Variants in CMIP observed in about 807,000 individuals in gnomAD.
CMIP encodes the protein c-Maf inducing protein.
Under a neutral mutation model 97.3 loss-of-function variants are expected in CMIP, and 13 were observed. That is an observed-to-expected ratio of 0.13 (90% CI 0.09 to 0.21). The LOEUF (loss-of-function observed/expected upper bound fraction) is 0.21, where lower values mean the gene tolerates loss of function less well. CMIP is among the 10% of genes least tolerant of loss of function. The probability of loss-of-function intolerance (pLI) is 1.00; values close to 1 mark genes in which losing one functional copy is unlikely to be tolerated. For missense variants in CMIP, 847 were observed against 1,024.9 expected, an observed-to-expected ratio of 0.83 and a Z score of 2.37; for synonymous variants, 538 against 436.3, an observed-to-expected ratio of 1.23 and a Z score of -2.91.
In CMIP at chr16:81,677,948, G is replaced by C. The variant is rs144303351; in HGVS notation, c.1035-327G>C. Among the ~76,000 whole-genome samples the C allele has an allele frequency of 6.5e-3, 985 of 152,324 alleles. 17 individuals are homozygous for C. The highest frequency in any genetic ancestry group is 0.023 in the African/African-American group (943 of 41,574). ...GCATTTTGGTGGAGGAGAATGCCAA[G>C]AGCCTTATGGCTGTCACGTGAAGAT... On this transcript the variant is annotated intron_variant, in intron 9 of 20. Coordinates refer to ENST00000537098, the MANE Select transcript of CMIP (RefSeq NM_198390.3).
intron 1 of CMIP, chr16:81,495,225 T>A (rs1349618434): frequency 5.5e-6 from 6 of 1,097,340 alleles, no homozygotes; most frequent in African/African-American, 1.6e-5. Context: ...ATAGGGTTTC[T>A]CAGTGAAACA....
chr16:81,506,582 C>A (rs149640883), intron 1 of CMIP, among the ~76,000 whole-genome samples: 77 of 152,338 alleles, frequency 5.1e-4, no homozygotes, highest in African/African-American at 1.8e-3. Context: ...GGGGAAAAGT[C>A]TTCCGAATAG....
intron 3 of CMIP, among the ~76,000 whole-genome samples, chr16:81,646,665 A>G (rs1035269699): frequency 6.6e-6 from 1 of 152,324 alleles, no homozygotes; most frequent in African/African-American, 2.4e-5. Context: ...CAGGCAATGA[A>G]TGTTCCACTT....
chr16:81,531,741 C>A (rs753911066), intron 1 of CMIP, among the ~76,000 whole-genome samples: 1 of 152,154 alleles, frequency 6.6e-6, no homozygotes, highest in African/African-American at 2.4e-5. Flanking sequence ...GAGGTCAACC[C>A]GTGTGTCATG....
At chr16:81,689,897 T>C (rs1195431874) in intron 10 of CMIP, among the ~76,000 whole-genome samples, 1 of 152,224 alleles carries the variant, frequency 6.6e-6, no homozygotes, top group Admixed American at 6.5e-5. Flanking sequence ...CCCAGCACCA[T>C]TTATCAAATA....
At chr16:81,681,327 G>C (rs1597242559) in intron 10 of CMIP, among the ~76,000 whole-genome samples, 1 of 152,216 alleles carries the variant, frequency 6.6e-6, no homozygotes, top group African/African-American at 2.4e-5. Flanking sequence ...AACCCCAGCC[G>C]CTCAAAGGGC....
chr16:81,540,787 G>A (rs112449514), intron 1 of CMIP, among the ~76,000 whole-genome samples: 11,759 of 148,566 alleles, frequency 0.079, 1,514 homozygotes, highest in African/African-American at 0.28. Context: ...TTCAAGCGAT[G>A]CTCCTGCCTC....
intron 7 of CMIP, among the ~76,000 whole-genome samples, chr16:81,669,686 C>A (rs1229244035): frequency 9.0e-6 from 1 of 111,420 alleles, no homozygotes; most frequent in Non-Finnish European, 1.8e-5. Flanking sequence ...CCTCCTTCCA[C>A]ACCCACCTCA....
At chr16:81,563,531 G>T (rs543157897) in intron 1 of CMIP, among the ~76,000 whole-genome samples, 1 of 152,172 alleles carries the variant, frequency 6.6e-6, no homozygotes, top group African/African-American at 2.4e-5. Flanking sequence ...GACACGTACC[G>T]CATTATAGTC....
At chr16:81,505,986 A>G (rs1269011648) in intron 1 of CMIP, among the ~76,000 whole-genome samples, 1 of 152,164 alleles carries the variant, frequency 6.6e-6, no homozygotes, top group African/African-American at 2.4e-5. Context: ...CAAGAGCAAA[A>G]CTCCATCTCA....
intron 1 of CMIP, among the ~76,000 whole-genome samples, chr16:81,605,546 C>G (rs1457613772): frequency 6.6e-6 from 1 of 152,232 alleles, no homozygotes; most frequent in African/African-American, 2.4e-5. Flanking sequence ...CTAGGTGGAC[C>G]TACCAGCCTC....
chr16:81,484,369 G>C (rs528113376), intron 1 of CMIP, among the ~76,000 whole-genome samples: 41 of 152,354 alleles, frequency 2.7e-4, no homozygotes, highest in African/African-American at 9.9e-4. Context: ...CCCTGGCTCT[G>C]GCCGAGGTTT....
chr16:81,525,946 CTT>C (rs906777012), intron 1 of CMIP, among the ~76,000 whole-genome samples: 14 of 151,390 alleles, frequency 9.2e-5, no homozygotes, highest in African/African-American at 3.4e-4. Flanking sequence ...TATCAGAATC[CTT>C]TTTTTTGTTT....
At chr16:81,647,080 C>G (rs2092371834) in intron 3 of CMIP, among the ~76,000 whole-genome samples, 2 of 152,254 alleles carry the variant, frequency 1.3e-5, no homozygotes, top group Admixed American at 1.3e-4. Flanking sequence ...CAGCAACACA[C>G]AAGATTCCCA....
At chr16:81,487,473 C>T (rs956672392) in intron 1 of CMIP, among the ~76,000 whole-genome samples, 3 of 152,178 alleles carry the variant, frequency 2.0e-5, no homozygotes, top group Non-Finnish European at 4.4e-5. Context: ...AGCCTGTGGC[C>T]TGCCAAGCGG....
At chr16:81,472,142 T>G (rs1907598652) in intron 1 of CMIP, among the ~76,000 whole-genome samples, 1 of 152,240 alleles carries the variant, frequency 6.6e-6, no homozygotes, top group African/African-American at 2.4e-5. Context: ...CACAGGTACA[T>G]CCTCACCCGC....
At chr16:81,492,560 C>A (rs1399077882) in intron 1 of CMIP, among the ~76,000 whole-genome samples, 2 of 151,830 alleles carry the variant, frequency 1.3e-5, no homozygotes, top group Non-Finnish European at 2.9e-5. Flanking sequence ...GTGTGCTGGC[C>A]GGCTGGGCCT....
chr16:81,526,098 A>G (rs1028831923), intron 1 of CMIP, among the ~76,000 whole-genome samples: 3 of 152,104 alleles, frequency 2.0e-5, no homozygotes. Flanking sequence ...GCTGCTGTGA[A>G]CATTGGTATA....
intron 1 of CMIP, among the ~76,000 whole-genome samples, chr16:81,586,022 G>C (rs1286205726): frequency 6.6e-6 from 1 of 151,672 alleles, no homozygotes; most frequent in East Asian, 1.9e-4. Flanking sequence ...CAAACGCATG[G>C]CATTCTCACA....
Sources: gnomAD v4.1 joint callset for allele counts (sites outside exome capture counted in the v4.1 genomes callset) on GRCh38, gnomAD v4.1.1 for gene constraint, MANE v1.5 for transcripts, NCBI Gene and HGNC (gene_info 2026-07-23, HGNC 2026-07-21) for gene names.